Variants in DPYD observed in about 807,000 individuals in gnomAD.
The protein encoded by DPYD is dihydropyrimidine dehydrogenase [NADP(+)].
DPYD carries 109 observed loss-of-function variants against 116.2 expected under a neutral mutation model. That is an observed-to-expected ratio of 0.94 (90% CI 0.80 to 1.10). The LOEUF is 1.10. Among genes scored for constraint, DPYD ranks in the 50% least tolerant of loss-of-function variants. The pLI is 0.00. For synonymous variants in DPYD, 440 were observed against 432.0 expected (o/e 1.02, Z -0.23); for missense variants, 1,302 against 1,254.5 (o/e 1.04, Z -0.57).
At chr1:97,700,728 C>T (rs965200321) in intron 5 of DPYD, among the ~76,000 whole-genome samples, 2 of 151,800 alleles carry the variant, frequency 1.3e-5, no homozygotes, top group Non-Finnish European at 2.9e-5. Context: ...CATACATAAT[C>T]TCGTAAGTGT....
chr1:97,643,773 G>A (rs889960313), intron 8 of DPYD, among the ~76,000 whole-genome samples: 1 of 152,166 alleles, frequency 6.6e-6, no homozygotes, highest in African/African-American at 2.4e-5. Context: ...ATGAGTTCAT[G>A]TCCTTTGCAG....
At chr1:97,561,915 C>T (rs1415106573) in intron 11 of DPYD, among the ~76,000 whole-genome samples, 1 of 152,188 alleles carries the variant, frequency 6.6e-6, no homozygotes, top group Non-Finnish European at 1.5e-5. Context: ...TGCAAGTCAT[C>T]TCTCTACCCT....
intron 18 of DPYD, among the ~76,000 whole-genome samples, chr1:97,291,029 C>T (rs12032827): frequency 0.23 from 35,503 of 152,066 alleles, 4,329 homozygotes; most frequent in Middle Eastern, 0.28. Flanking sequence ...GGGCGAAGGA[C>T]ATGAACAGAC....
rs114819248 is a variant in DPYD, at chr1:97,565,729, A to G, written c.1339+8031T>C. On this transcript the variant is annotated intron_variant, in intron 11 of 22. Coordinates refer to ENST00000370192, the MANE Select transcript of DPYD (RefSeq NM_000110.4). ...CTCTCATTAGCCTATAGGTCCCTGAAGGGCAATGACTCTTTTACTTGTGTC... is the reference window on the plus strand; with the variant it reads ...CTCTCATTAGCCTATAGGTCCCTGAGGGGCAATGACTCTTTTACTTGTGTC... Among the ~76,000 whole-genome samples, 230 of 152,278 alleles carry G rather than the reference A, an allele frequency of 1.5e-3. 2 individuals are homozygous for G. Among genetic ancestry groups the G allele is most frequent in the African/African-American group, 5.5e-3 (228 of 41,572 alleles).
chr1:97,386,056 C>T (rs1322422627), intron 14 of DPYD, among the ~76,000 whole-genome samples: 1 of 152,020 alleles, frequency 6.6e-6, no homozygotes, highest in Non-Finnish European at 1.5e-5. Context: ...CAGCCTCTGA[C>T]TGGGGAGGGG....
At position 97,724,296 on chromosome 1, in the gene DPYD, GGGGGGGGGGGGGTGTGT is replaced by G. The variant is rs1271687487; in HGVS notation, c.322-2642_322-2626del. On this transcript the variant is annotated intron_variant, in intron 4 of 22. Coordinates refer to ENST00000370192, the MANE Select transcript of DPYD (RefSeq NM_000110.4). Reference sequence around the variant, plus strand: ...CACAGAAAGAATAGGATGTATGTGGGGGGGGGGGGGGGTGTGTGTGTGTGTGTGTGTGTGTGTGTGTG... The same window carrying G: ...CACAGAAAGAATAGGATGTATGTGGGGTGTGTGTGTGTGTGTGTGTGTGTG... Among the ~76,000 whole-genome samples, 129 of 137,856 alleles carry G rather than the reference GGGGGGGGGGGGGTGTGT, an allele frequency of 9.4e-4. 7 individuals are homozygous for G. Among genetic ancestry groups the G allele is most frequent in the African/African-American group, 3.2e-3 (119 of 36,864 alleles). The allele number at this position is 137,856 out of a possible 152,430, so 90.4% of individuals were successfully genotyped here. A position where few individuals can be genotyped will look rare whatever the true frequency, so the allele number is the denominator to read the frequency against.
chr1:97,211,603 A>T (rs1316724060), intron 19 of DPYD, among the ~76,000 whole-genome samples: 1 of 152,172 alleles, frequency 6.6e-6, no homozygotes, highest in Non-Finnish European at 1.5e-5. Flanking sequence ...CTTTTCTTAA[A>T]TAATATACAG....
intron 18 of DPYD, chr1:97,265,484 T>A (rs1664170608): frequency 6.6e-6 from 1 of 152,198 alleles, no homozygotes; most frequent in Non-Finnish European, 1.5e-5. Context: ...TATGGTAGGC[T>A]CTTTTACAAA....
At chr1:97,168,806 T>C (rs941426282) in intron 20 of DPYD, among the ~76,000 whole-genome samples, 1 of 152,068 alleles carries the variant, frequency 6.6e-6, no homozygotes, top group African/African-American at 2.4e-5. Flanking sequence ...CACCTGACTA[T>C]GCTTGCTCAT....
chr1:97,478,495 C>T (rs1454359681), intron 13 of DPYD, among the ~76,000 whole-genome samples: 2 of 152,090 alleles, frequency 1.3e-5, no homozygotes, highest in East Asian at 3.9e-4. Flanking sequence ...ACCATGTTGG[C>T]CAGGATGGTC....
chr1:97,899,917 T>A (rs1455852716), intron 1 of DPYD, among the ~76,000 whole-genome samples: 2 of 151,954 alleles, frequency 1.3e-5, no homozygotes, highest in African/African-American at 4.8e-5. Context: ...TCAATCAGTT[T>A]AACAAATGTC....
intron 18 of DPYD, among the ~76,000 whole-genome samples, chr1:97,261,911 GTTTCTTGAAAATATCA>G (rs1018432996): frequency 2.8e-4 from 43 of 151,922 alleles, no homozygotes; most frequent in African/African-American, 9.9e-4. Context: ...ACTATTTGCT[GTTTCTTGAAAATATCA>G]TAATTATTCA....
Position 97,528,896 on chromosome 1 carries a change from T to G in DPYD, c.1525-12955A>C, listed in dbSNP as rs182824744. On this transcript the variant is annotated intron_variant, in intron 12 of 22. Coordinates refer to ENST00000370192, the MANE Select transcript of DPYD (RefSeq NM_000110.4). ...CAGAAATTTGATTGTGTTATGCACC[T>G]GCTTAAACTTTTCATTAGTTTTTCA... is the stretch of plus-strand genomic sequence containing the variant. 2.7e-3 allele frequency among the ~76,000 whole-genome samples: 407 copies of G among 152,314 alleles called. 4 individuals carry two copies. Among genetic ancestry groups the G allele is most frequent in the Admixed American group, 0.018 (283 of 15,302 alleles).
chr1:97,875,156 T>G (rs1007948645), intron 2 of DPYD, among the ~76,000 whole-genome samples: 1 of 151,974 alleles, frequency 6.6e-6, no homozygotes, highest in Non-Finnish European at 1.5e-5. Context: ...ATAGCATTTT[T>G]AGTGTCAAGA....
intron 16 of DPYD, among the ~76,000 whole-genome samples, chr1:97,335,944 C>T (rs6689296): frequency 1 from 151,825 of 152,312 alleles, 75,673 homozygotes; most frequent in Middle Eastern, 1. Context: ...TTTCCTTTGC[C>T]CAGTGTTTCG....
At chr1:97,128,240 T>C (rs530128029) in intron 20 of DPYD, among the ~76,000 whole-genome samples, 16 of 152,172 alleles carry the variant, frequency 1.1e-4, no homozygotes, top group Non-Finnish European at 2.1e-4. Flanking sequence ...GCATCATATA[T>C]ATTATTTAGG....
intron 13 of DPYD, among the ~76,000 whole-genome samples, chr1:97,480,817 C>T (rs1678254383): frequency 6.6e-6 from 1 of 152,066 alleles, no homozygotes. Flanking sequence ...CCCGTCTCTA[C>T]TAATAATACA....
At chr1:97,771,175 A>G (rs538053430) in intron 3 of DPYD, among the ~76,000 whole-genome samples, 1 of 152,258 alleles carries the variant, frequency 6.6e-6, no homozygotes, top group East Asian at 1.9e-4. Context: ...AAAAAAAATT[A>G]GCCAGTTGTG....
intron 2 of DPYD, among the ~76,000 whole-genome samples, chr1:97,845,979 G>A (rs760692951): frequency 6.6e-6 from 1 of 152,344 alleles, no homozygotes; most frequent in South Asian, 2.1e-4. Context: ...CTGGCTGTGT[G>A]CAATGGGTGG....
Sources: allele counts gnomAD v4.1 joint callset (sites outside exome capture counted in the v4.1 genomes callset), GRCh38; gene constraint gnomAD v4.1.1; transcripts MANE v1.5; gene names NCBI Gene and HGNC (gene_info 2026-07-23, HGNC 2026-07-21).